The following PTPRN2 variants were observed in gnomAD, a reference collection of about 807,000 sequenced individuals.
PTPRN2 encodes the protein receptor-type tyrosine-protein phosphatase N2.
A neutral mutation model predicts 118.8 loss-of-function variants in PTPRN2; 74 were observed. The ratio of observed to expected loss-of-function variants is 0.62; its 90% CI spans 0.52 to 0.76. The LOEUF (loss-of-function observed/expected upper bound fraction) is 0.76, where lower values mean the gene tolerates loss of function less well. Among genes scored for constraint, PTPRN2 ranks in the 30% least tolerant of loss-of-function variants. PTPRN2 has a pLI of 0.00. For missense variants in PTPRN2, 1,481 were observed against 1,394.4 expected, an observed-to-expected ratio of 1.06 and a Z score of -0.99; for synonymous variants, 641 against 608.0, an observed-to-expected ratio of 1.05 and a Z score of -0.80.
At chr7:158,270,773 C>T (rs1427476202) in intron 3 of PTPRN2, among the ~76,000 whole-genome samples, 24 of 130,308 alleles carry the variant, frequency 1.8e-4, no homozygotes, top group African/African-American at 7.2e-4. Flanking sequence ...CCACCCCGTC[C>T]ACCTGGACCA....
chr7:158,268,428 G>A (rs182129153), intron 3 of PTPRN2, among the ~76,000 whole-genome samples: 20 of 144,132 alleles, frequency 1.4e-4, no homozygotes, highest in East Asian at 4.3e-4. Flanking sequence ...TATCCCAGCC[G>A]CATGCACACA....
intron 14 of PTPRN2, among the ~76,000 whole-genome samples, chr7:157,641,850 A>C (rs1036909853): frequency 3.9e-5 from 6 of 152,116 alleles, no homozygotes; most frequent in Non-Finnish European, 8.8e-5. Flanking sequence ...GCACCACTCC[A>C]CATGTGGACG....
chr7:158,376,880 G>C (rs550252957), intron 2 of PTPRN2, among the ~76,000 whole-genome samples: 31 of 77,492 alleles, frequency 4.0e-4, no homozygotes, highest in Non-Finnish European at 6.4e-4. Flanking sequence ...CACACGTCCT[G>C]AGAGGGGGGT....
chr7:158,196,742 G>A (rs1374877912), intron 4 of PTPRN2, among the ~76,000 whole-genome samples: 5 of 152,236 alleles, frequency 3.3e-5, no homozygotes, highest in Admixed American at 1.3e-4. Flanking sequence ...CCAGTGGAAA[G>A]GCGACTATAG....
chr7:158,141,263 C>T lies in PTPRN2; in HGVS notation c.911-2748G>A, dbSNP rs527315462. 5.3e-5 allele frequency among the ~76,000 whole-genome samples: 8 copies of T among 152,370 alleles called. No homozygotes were observed. The South Asian group carries it at 1.7e-3, about 32-fold the overall frequency. On this transcript the variant is annotated intron_variant, in intron 6 of 22. Coordinates refer to ENST00000389418, the MANE Select transcript of PTPRN2 (RefSeq NM_002847.5). ...GGCATTTTAGGTTTTTTGTCTGCGT[C>T]AAATGCATCACCAGGCCTGGGCTGC...
In PTPRN2 at chr7:158,003,368, C is replaced by T. The variant is rs1273069107; in HGVS notation, c.1723+77930G>A. Reference sequence around the variant, plus strand: ...GGCGGAGCTTGCAGTGAGCCGAGATCGCGCCACTGCACTCCAACCTGGGAG... The same window carrying T: ...GGCGGAGCTTGCAGTGAGCCGAGATTGCGCCACTGCACTCCAACCTGGGAG... On this transcript the variant is annotated intron_variant, in intron 11 of 22. Transcript: ENST00000389418. This position sits in a 1 kb window ranked among gnomAD's most constrained non-coding sequence, Gnocchi z 5.0. 3.4e-5 allele frequency among the ~76,000 whole-genome samples: 5 copies of T among 147,386 alleles called. No individual in the cohort carries two copies. The highest frequency in any genetic ancestry group is 7.4e-5 in the Non-Finnish European group (5 of 67,178).
At chr7:158,336,334 T>A in intron 2 of PTPRN2, among the ~76,000 whole-genome samples, 1 of 122,190 alleles carries the variant, frequency 8.2e-6, no homozygotes, top group South Asian at 3.0e-4. Flanking sequence ...AGGTGACACC[T>A]GCAGACGTCA....
Position 157,609,028 on chromosome 7 carries a change from C to T in PTPRN2, c.2345-4953G>A, listed in dbSNP as rs955464919. Among the ~76,000 whole-genome samples, 1 of 152,154 alleles carries T rather than the reference C, an allele frequency of 6.6e-6. No individual in the cohort carries two copies. Among genetic ancestry groups the T allele is most frequent in the Non-Finnish European group, 1.5e-5 (1 of 68,038 alleles). ...GTTAATGTCATTGGGTTAAATTAAC[C>T]CACTGTGCACGTTCCTTTTCTGACC... On this transcript the variant is annotated intron_variant, in intron 15 of 22. Coordinates refer to ENST00000389418, the MANE Select transcript of PTPRN2 (RefSeq NM_002847.5). This position sits in a 1 kb window ranked among gnomAD's most constrained non-coding sequence, Gnocchi z 4.9.
chr7:158,212,273 G>A (rs769954812), intron 3 of PTPRN2, among the ~76,000 whole-genome samples: 1 of 152,084 alleles, frequency 6.6e-6, no homozygotes, highest in African/African-American at 2.4e-5. Context: ...TGGTTAATGA[G>A]TACAAAAATA....
intron 6 of PTPRN2, among the ~76,000 whole-genome samples, chr7:158,146,062 T>C (rs1819947927): frequency 9.4e-6 from 1 of 106,422 alleles, no homozygotes. Flanking sequence ...TTCCACTCTT[T>C]TCCCCCTTTC....
intron 2 of PTPRN2, among the ~76,000 whole-genome samples, chr7:158,337,228 C>CA (rs1370504744): frequency 6.6e-6 from 1 of 151,632 alleles, no homozygotes. Flanking sequence ...ACGTCACTAA[C>CA]ACCCACATTC....
intron 14 of PTPRN2, among the ~76,000 whole-genome samples, chr7:157,646,285 G>A (rs1002573697): frequency 5.3e-5 from 8 of 152,232 alleles, no homozygotes; most frequent in East Asian, 1.9e-4. Flanking sequence ...TCCCCTTGGC[G>A]CTGTCCTCAG....
chr7:157,748,724 C>G (rs200327417), intron 12 of PTPRN2, among the ~76,000 whole-genome samples: 2 of 98,162 alleles, frequency 2.0e-5, no homozygotes, highest in South Asian at 7.5e-4. Context: ...CTGAGGCCTG[C>G]GTCCCTGAGC....
At chr7:158,164,416 G>T (rs1447601598) in intron 6 of PTPRN2, among the ~76,000 whole-genome samples, 6 of 135,266 alleles carry the variant, frequency 4.4e-5, no homozygotes, top group Non-Finnish European at 9.6e-5. Context: ...GCGCGCGTAG[G>T]AAGGGCTCGC....
At chr7:158,473,201 C>A (rs1819995757) in intron 2 of PTPRN2, among the ~76,000 whole-genome samples, 1 of 152,212 alleles carries the variant, frequency 6.6e-6, no homozygotes, top group African/African-American at 2.4e-5. Context: ...AATTTCCTAT[C>A]TCCTCCAATC....
intron 1 of PTPRN2, among the ~76,000 whole-genome samples, chr7:158,583,282 C>A (rs925954766): frequency 6.6e-6 from 1 of 152,178 alleles, no homozygotes; most frequent in Non-Finnish European, 1.5e-5. Context: ...CCTTGGACTG[C>A]ACATCACACC....
intron 12 of PTPRN2, among the ~76,000 whole-genome samples, chr7:157,751,678 C>T (rs1240167110): frequency 2.0e-5 from 3 of 152,108 alleles, no homozygotes; most frequent in South Asian, 2.1e-4. Flanking sequence ...ACCGCTGACA[C>T]GCGGTGGAAA....
At chr7:158,156,694 A>T (rs896408782) in intron 6 of PTPRN2, among the ~76,000 whole-genome samples, 1 of 152,176 alleles carries the variant, frequency 6.6e-6, no homozygotes, top group African/African-American at 2.4e-5. Context: ...CCAGCCTGTG[A>T]CGCACTCACC....
chr7:157,998,332 G>C (rs1239806216), intron 11 of PTPRN2, among the ~76,000 whole-genome samples: 3 of 152,186 alleles, frequency 2.0e-5, no homozygotes, highest in Non-Finnish European at 1.5e-5. Context: ...CACTAGCTCA[G>C]AGCCAGGAGC....
Sources: gnomAD v4.1 joint callset for allele counts (sites outside exome capture counted in the v4.1 genomes callset) on GRCh38, gnomAD v4.1.1 for gene constraint, Gnocchi (gnomAD v3.1) non-coding constraint, MANE v1.5 for transcripts, NCBI Gene and HGNC (gene_info 2026-07-23, HGNC 2026-07-21) for gene names.